DLGAP2: variants seen among roughly 807,000 people sequenced by gnomAD.
The protein encoded by DLGAP2 is DLG associated protein 2.
Under a neutral mutation model 100.3 loss-of-function variants are expected in DLGAP2, and 26 were observed. That is an observed-to-expected ratio of 0.26 (90% CI 0.19 to 0.36). DLGAP2 has a LOEUF of 0.36. DLGAP2 is among the 10% of genes least tolerant of loss of function. The probability of loss-of-function intolerance (pLI) is 1.00; values close to 1 mark genes in which losing one functional copy is unlikely to be tolerated. For synonymous variants in DLGAP2, 886 were observed against 630.1 expected (o/e 1.41, Z -6.08); for missense variants, 1,858 against 1,453.2 (o/e 1.28, Z -4.53).
intron 1 of DLGAP2, among the ~76,000 whole-genome samples, chr8:856,826 G>C (rs1398039417): frequency 6.6e-6 from 1 of 152,210 alleles, no homozygotes; most frequent in African/African-American, 2.4e-5. Context: ...ATTCAGCGCA[G>C]TCCCCATCAG....
At chr8:1,023,107 C>T (rs546604804) in intron 2 of DLGAP2, among the ~76,000 whole-genome samples, 1 of 152,338 alleles carries the variant, frequency 6.6e-6, no homozygotes, top group African/African-American at 2.4e-5. Context: ...CCTTTTCTCC[C>T]CAGGCATTGG....
At position 944,649 on chromosome 8, in the gene DLGAP2, G is replaced by A. The variant is rs552750438; in HGVS notation, c.73+36683G>A. ...AGGGGGTGGTAACCAGTCAATATGG[G>A]TGATCCAGTGGGTGGTAATGATCCC... On this transcript the variant is annotated intron_variant, in intron 2 of 14. Transcript: ENST00000637795. Among the ~76,000 whole-genome samples, 86 of 151,946 alleles carry A rather than the reference G, an allele frequency of 5.7e-4. No homozygotes were observed. The South Asian group carries it at 0.016, about 29-fold the overall frequency.
chr8:1,133,124 A>G (rs1425263645), intron 2 of DLGAP2, among the ~76,000 whole-genome samples: 1 of 152,162 alleles, frequency 6.6e-6, no homozygotes, highest in African/African-American at 2.4e-5. Flanking sequence ...GAAAGCAAAC[A>G]TCTCTGGAGC....
At chr8:1,006,907 C>T (rs565274067) in intron 2 of DLGAP2, among the ~76,000 whole-genome samples, 7 of 147,474 alleles carry the variant, frequency 4.7e-5, no homozygotes, top group Middle Eastern at 3.6e-3. Context: ...TTTATCACGT[C>T]GGGGGCGCCC....
intron 4 of DLGAP2, among the ~76,000 whole-genome samples, chr8:1,508,758 G>A (rs1394614330): frequency 2.6e-5 from 4 of 151,246 alleles, no homozygotes; most frequent in African/African-American, 4.9e-5. Flanking sequence ...CGCTGACGGC[G>A]TTCCCTAAAA....
intron 1 of DLGAP2, among the ~76,000 whole-genome samples, chr8:816,166 C>T (rs939075634): frequency 5.9e-5 from 9 of 151,914 alleles, no homozygotes; most frequent in African/African-American, 2.2e-4. Context: ...TTCATTCTAC[C>T]ATTCTGTATC....
intron 5 of DLGAP2, among the ~76,000 whole-genome samples, chr8:1,555,569 G>A (rs1043712420): frequency 5.3e-5 from 8 of 152,180 alleles, no homozygotes; most frequent in East Asian, 1.9e-4. Context: ...GAGCCCGTTC[G>A]TGTAATCAGG....
chr8:814,103 T>C (rs1466581148), intron 1 of DLGAP2, among the ~76,000 whole-genome samples: 10 of 152,228 alleles, frequency 6.6e-5, no homozygotes, highest in Admixed American at 6.5e-4. Flanking sequence ...TCAGATTTCT[T>C]CTGTAAAATA....
chr8:1,141,985 T>A (rs752666902), intron 2 of DLGAP2, among the ~76,000 whole-genome samples: 3 of 152,126 alleles, frequency 2.0e-5, no homozygotes, highest in Admixed American at 2.0e-4. Context: ...TTATTTTTTG[T>A]TTAAGAATGA....
intron 3 of DLGAP2, among the ~76,000 whole-genome samples, chr8:1,430,742 T>G (rs567256681): frequency 3.3e-4 from 50 of 152,352 alleles, no homozygotes; most frequent in African/African-American, 1.2e-3. Context: ...CTCAGAAATA[T>G]CTTCAACCTG....
chr8:1,030,994 T>G (rs148411603), intron 2 of DLGAP2, among the ~76,000 whole-genome samples: 20 of 152,328 alleles, frequency 1.3e-4, no homozygotes, highest in African/African-American at 4.3e-4. Flanking sequence ...TTCATTGTAT[T>G]TAGAAAATAA....
At chr8:1,186,846 C>T (rs760567142) in intron 2 of DLGAP2, among the ~76,000 whole-genome samples, 2 of 152,194 alleles carry the variant, frequency 1.3e-5, no homozygotes, top group Non-Finnish European at 2.9e-5. Flanking sequence ...TCTTCCTGCT[C>T]TTCTCACTCA....
At chr8:1,219,737 A>G (rs1193910591) in intron 2 of DLGAP2, among the ~76,000 whole-genome samples, 1 of 152,030 alleles carries the variant, frequency 6.6e-6, no homozygotes, top group Non-Finnish European at 1.5e-5. Context: ...GTGAATCCGT[A>G]TGTCCCAGGG....
intron 2 of DLGAP2, among the ~76,000 whole-genome samples, chr8:1,000,488 C>G (rs559277388): frequency 5.3e-5 from 8 of 150,360 alleles, no homozygotes; most frequent in Non-Finnish European, 5.9e-5. Context: ...CGGACAGATC[C>G]GGGTGGGGGT....
rs150774059 is a variant in DLGAP2, at chr8:1,370,180, C to G, written c.106+111297C>G. 1.2e-3 allele frequency among the ~76,000 whole-genome samples: 190 copies of G among 152,288 alleles called. 1 individual carries two copies. The highest frequency in any genetic ancestry group is 4.3e-3 in the African/African-American group (177 of 41,560). On this transcript the variant is annotated intron_variant, in intron 3 of 14. Transcript: ENST00000637795. The stretch of plus-strand genomic sequence containing the variant: ...CCTAGTCTTTCCCTGAGAGTTCTCT[C>G]TCAGTGTCCTCAGCACTGCCCTTCA...
At chr8:973,960 C>G (rs1259085137) in intron 2 of DLGAP2, among the ~76,000 whole-genome samples, 1 of 151,558 alleles carries the variant, frequency 6.6e-6, no homozygotes, top group Non-Finnish European at 1.5e-5. Flanking sequence ...GCGCGCAGAC[C>G]GGGCCACTCG....
chr8:1,314,011 G>T (rs550792223), intron 3 of DLGAP2, among the ~76,000 whole-genome samples: 1 of 152,090 alleles, frequency 6.6e-6, no homozygotes, highest in Non-Finnish European at 1.5e-5. Context: ...TGTATGATAC[G>T]AAACACGTGT....
In DLGAP2 at chr8:1,238,519, C is replaced by G. The variant is rs186397259; in HGVS notation, c.74-20332C>G. ...CATGGCGCCGTGTCTAGTTCTCTCA[C>G]ATGGCGCCGTGTCTGGTTCTCTCAC... On this transcript the variant is annotated intron_variant, in intron 2 of 14. Coordinates refer to ENST00000637795, the MANE Select transcript of DLGAP2 (RefSeq NM_001346810.2). 9.2e-5 allele frequency among the ~76,000 whole-genome samples: 12 copies of G among 130,196 alleles called. 1 individual carries two copies. In the East Asian group the frequency reaches 2.6e-3, roughly 28 times the overall value. The allele number at this position is 130,196 out of a possible 152,430, so 85.4% of individuals were successfully genotyped here.
chr8:1,485,572 G>A (rs561235149), intron 3 of DLGAP2, among the ~76,000 whole-genome samples: 6 of 152,346 alleles, frequency 3.9e-5, no homozygotes, highest in African/African-American at 7.2e-5. Context: ...TGAAGATGGC[G>A]ACGCTGGTTT....
Sources: gnomAD v4.1 joint callset for allele counts (sites outside exome capture counted in the v4.1 genomes callset) on GRCh38, gnomAD v4.1.1 for gene constraint, MANE v1.5 for transcripts, NCBI Gene and HGNC (gene_info 2026-07-23, HGNC 2026-07-21) for gene names.